THEMIS: variants seen among roughly 807,000 people sequenced by gnomAD.
The protein encoded by THEMIS is thymocyte selection associated, also known as protein THEMIS.
A neutral mutation model predicts 52.6 loss-of-function variants in THEMIS; 37 were observed. That is an observed-to-expected ratio of 0.70 (90% CI 0.54 to 0.93). THEMIS has a LOEUF of 0.93. Ranked by LOEUF, THEMIS falls within the 40% of genes least tolerant of loss-of-function variation. The pLI, the probability that THEMIS is intolerant of heterozygous loss-of-function variation, is 0.00. For synonymous variants in THEMIS, 292 were observed against 272.7 expected (o/e 1.07, Z -0.70); for missense variants, 808 against 763.1 (o/e 1.06, Z -0.69).
At chr6:127,778,758 T>C (rs1188254545) in intron 4 of THEMIS, among the ~76,000 whole-genome samples, 1 of 152,054 alleles carries the variant, frequency 6.6e-6, no homozygotes, top group East Asian at 1.9e-4. Flanking sequence ...AAGTTATATA[T>C]GACAGTACTT....
chr6:127,728,673 C>A (rs1774637438), intron 4 of THEMIS, among the ~76,000 whole-genome samples: 1 of 152,084 alleles, frequency 6.6e-6, no homozygotes, highest in Non-Finnish European at 1.5e-5. Context: ...AAAGAAGAGG[C>A]AAAGAATTCC....
chr6:127,872,818 C>T (rs270052), intron 1 of THEMIS, among the ~76,000 whole-genome samples: 38,011 of 151,932 alleles, frequency 0.25, 5,451 homozygotes, highest in Middle Eastern at 0.4. Context: ...AAATAAAAAT[C>T]ATACACCTTG....
chr6:127,736,094 G>A (rs1415204576), intron 4 of THEMIS, among the ~76,000 whole-genome samples: 1 of 152,194 alleles, frequency 6.6e-6, no homozygotes, highest in Non-Finnish European at 1.5e-5. Flanking sequence ...GAGTGAAAGA[G>A]AGAAGGATGT....
intron 3 of THEMIS, among the ~76,000 whole-genome samples, chr6:127,819,488 T>C (rs1778260648): frequency 1.3e-5 from 2 of 151,596 alleles, no homozygotes; most frequent in Admixed American, 1.3e-4. Context: ...TATTGAAGAG[T>C]ATCATATTCA....
At chr6:127,818,536 A>T (rs538927484) in intron 3 of THEMIS, among the ~76,000 whole-genome samples, 1 of 151,912 alleles carries the variant, frequency 6.6e-6, no homozygotes, top group Non-Finnish European at 1.5e-5. Flanking sequence ...TCAAGTTAAG[A>T]CAATTTATCA....
intron 1 of THEMIS, among the ~76,000 whole-genome samples, chr6:127,911,880 A>T (rs1195257165): frequency 6.6e-6 from 1 of 151,528 alleles, no homozygotes; most frequent in East Asian, 1.9e-4. Flanking sequence ...GAAGGGGGCC[A>T]TTGTCCTTCA....
upstream of THEMIS, among the ~76,000 whole-genome samples, chr6:127,904,985 T>G (rs1347191900): frequency 6.6e-6 from 1 of 152,088 alleles, no homozygotes; most frequent in Non-Finnish European, 1.5e-5. Flanking sequence ...TCTATCTCTG[T>G]GTCTCTGCAG....
chr6:127,905,265 T>C (rs1011683819), upstream of THEMIS, among the ~76,000 whole-genome samples: 4 of 151,998 alleles, frequency 2.6e-5, no homozygotes, highest in Non-Finnish European at 4.4e-5. Context: ...GAAAAGAAAT[T>C]GTCACTTTCA....
At chr6:127,883,600 G>A (rs1378691841) in intron 1 of THEMIS, among the ~76,000 whole-genome samples, 1 of 151,780 alleles carries the variant, frequency 6.6e-6, no homozygotes, top group African/African-American at 2.4e-5. Context: ...GCAATTTTTT[G>A]ACTTTATGAT....
chr6:127,749,259 C>T (rs1460310506), intron 4 of THEMIS, among the ~76,000 whole-genome samples: 1 of 152,020 alleles, frequency 6.6e-6, no homozygotes, highest in South Asian at 2.1e-4. Flanking sequence ...CCTTTGTATA[C>T]ATTTTTCAAA....
chr6:127,823,125 A>G (rs1455003792), intron 3 of THEMIS, among the ~76,000 whole-genome samples: 1 of 152,188 alleles, frequency 6.6e-6, no homozygotes, highest in Non-Finnish European at 1.5e-5. Flanking sequence ...GTAAAAATAA[A>G]TATATACATA....
At chr6:127,747,226 C>T (rs1431179427) in intron 4 of THEMIS, among the ~76,000 whole-genome samples, 1 of 135,628 alleles carries the variant, frequency 7.4e-6, no homozygotes, top group Non-Finnish European at 1.5e-5. Flanking sequence ...ATATTATATG[C>T]ACATTATATG....
At chr6:127,876,756 A>G (rs778846198) in intron 1 of THEMIS, among the ~76,000 whole-genome samples, 97 of 152,354 alleles carry the variant, frequency 6.4e-4, no homozygotes, top group Non-Finnish European at 1.2e-3. Flanking sequence ...AACGAAAGCA[A>G]TTAACTATGG....
intron 4 of THEMIS, among the ~76,000 whole-genome samples, chr6:127,795,543 C>T (rs545756523): frequency 7.2e-5 from 11 of 152,112 alleles, no homozygotes; most frequent in South Asian, 2.1e-4. Context: ...TTAGCCAGGA[C>T]GGTCTCGATC....
upstream of THEMIS, among the ~76,000 whole-genome samples, chr6:127,904,314 G>A (rs1562332204): frequency 6.6e-6 from 1 of 152,042 alleles, no homozygotes; most frequent in African/African-American, 2.4e-5. Flanking sequence ...AAGCCAAGGA[G>A]TGCTTTCAGC....
At chr6:127,913,084 C>G (rs1781446523) in intron 1 of THEMIS, among the ~76,000 whole-genome samples, 1 of 152,090 alleles carries the variant, frequency 6.6e-6, no homozygotes, top group South Asian at 2.1e-4. Context: ...ACATCAGTGG[C>G]CAAGTGAACG....
At chr6:127,810,260 T>A (rs767175409) in intron 4 of THEMIS, among the ~76,000 whole-genome samples, 1 of 152,120 alleles carries the variant, frequency 6.6e-6, no homozygotes, top group Non-Finnish European at 1.5e-5. Flanking sequence ...TATTTGTATC[T>A]CCATATCTTC....
chr6:127,840,564 C>T (rs1779013509), intron 2 of THEMIS, among the ~76,000 whole-genome samples: 1 of 152,090 alleles, frequency 6.6e-6, no homozygotes, highest in African/African-American at 2.4e-5. Context: ...CTACAACATG[C>T]ATGTGTTACT....
intron 4 of THEMIS, among the ~76,000 whole-genome samples, chr6:127,743,087 T>C (rs1027751241): frequency 3.3e-5 from 5 of 152,062 alleles, no homozygotes; most frequent in African/African-American, 1.2e-4. Flanking sequence ...TAAAGAAAGG[T>C]GAGAGAGAAA....
Sources: allele counts gnomAD v4.1 joint callset (sites outside exome capture counted in the v4.1 genomes callset), GRCh38; gene constraint gnomAD v4.1.1; transcripts MANE v1.5; gene names NCBI Gene and HGNC (gene_info 2026-07-23, HGNC 2026-07-21).